RIMS2: variants seen among roughly 807,000 people sequenced by gnomAD.
RIMS2 encodes the protein regulating synaptic membrane exocytosis protein 2.
RIMS2 carries 59 observed loss-of-function variants against 174.4 expected under a neutral mutation model. The ratio of observed to expected loss-of-function variants is 0.34; its 90% CI spans 0.27 to 0.42. RIMS2 has a LOEUF of 0.42. RIMS2 is among the 10% of genes least tolerant of loss of function. The pLI is 1.00. For synonymous variants in RIMS2, 606 were observed against 572.5 expected, an observed-to-expected ratio of 1.06 and a Z score of -0.84; for missense variants, 1,620 against 1,666.3, an observed-to-expected ratio of 0.97 and a Z score of 0.48.
At chr8:104,066,739 TCA>T (rs2097112275) in intron 19 of RIMS2, among the ~76,000 whole-genome samples, 1 of 152,196 alleles carries the variant, frequency 6.6e-6, no homozygotes, top group Admixed American at 6.5e-5. Flanking sequence ...CAAATTTGAC[TCA>T]GAGTCAGTTA....
At chr8:103,908,821 T>G (rs1372377768) in intron 4 of RIMS2, among the ~76,000 whole-genome samples, 1 of 152,230 alleles carries the variant, frequency 6.6e-6, no homozygotes, top group Non-Finnish European at 1.5e-5. Flanking sequence ...ATATTCATCC[T>G]TTTTAAAATG....
intron 1 of RIMS2, among the ~76,000 whole-genome samples, chr8:103,560,129 A>G (rs887075607): frequency 1.3e-5 from 2 of 152,258 alleles, no homozygotes; most frequent in South Asian, 2.1e-4. Context: ...GTTCAGAACA[A>G]TAAGTCAGTG....
At chr8:103,680,835 A>G (rs898075222) in intron 1 of RIMS2, among the ~76,000 whole-genome samples, 1 of 152,014 alleles carries the variant, frequency 6.6e-6, no homozygotes, top group Non-Finnish European at 1.5e-5. Flanking sequence ...TAATAATCAC[A>G]CATTGGCAAG....
At chr8:103,744,530 A>T (rs574624017) in intron 2 of RIMS2, among the ~76,000 whole-genome samples, 1 of 152,290 alleles carries the variant, frequency 6.6e-6, no homozygotes, top group Non-Finnish European at 1.5e-5. Context: ...TGGTTCCTGA[A>T]AAGCTTAGTA....
intron 1 of RIMS2, among the ~76,000 whole-genome samples, chr8:103,547,431 A>G (rs1224517535): frequency 2.0e-5 from 3 of 152,370 alleles, no homozygotes; most frequent in South Asian, 4.1e-4. Context: ...AATGAAATTA[A>G]GGCAGAAATA....
intron 19 of RIMS2, among the ~76,000 whole-genome samples, chr8:104,126,899 G>A (rs2098436474): frequency 6.6e-6 from 1 of 152,114 alleles, no homozygotes; most frequent in Admixed American, 6.6e-5. Flanking sequence ...AAATACACTT[G>A]CCTCAAGAGC....
chr8:103,599,469 C>T (rs1385482087), intron 1 of RIMS2, among the ~76,000 whole-genome samples: 1 of 150,296 alleles, frequency 6.7e-6, no homozygotes, highest in Admixed American at 6.7e-5. Context: ...GACAAGATCT[C>T]ACTCTGTTGC....
chr8:103,516,074 T>C (rs1399398859), intron 1 of RIMS2, among the ~76,000 whole-genome samples: 1 of 152,096 alleles, frequency 6.6e-6, no homozygotes, highest in African/African-American at 2.4e-5. Flanking sequence ...ATTTCAAATA[T>C]AGTGTTGGCA....
intron 3 of RIMS2, among the ~76,000 whole-genome samples, chr8:103,827,494 C>G (rs2098798602): frequency 6.6e-6 from 1 of 152,036 alleles, no homozygotes; most frequent in African/African-American, 2.4e-5. Context: ...AACAGTATGT[C>G]AAACAGAAGT....
intron 2 of RIMS2, among the ~76,000 whole-genome samples, chr8:103,753,347 T>C (rs1490954418): frequency 1.3e-5 from 2 of 152,236 alleles, no homozygotes; most frequent in African/African-American, 4.8e-5. Flanking sequence ...CAGTGTTTTA[T>C]TGAGGATTTT....
chr8:104,088,737 G>T (rs537362517), intron 19 of RIMS2, among the ~76,000 whole-genome samples: 6 of 152,006 alleles, frequency 3.9e-5, no homozygotes, highest in African/African-American at 1.2e-4. Context: ...AATCAGAGTT[G>T]GAAATGGCCA....
intron 1 of RIMS2, among the ~76,000 whole-genome samples, chr8:103,575,749 T>C (rs2093182760): frequency 6.6e-6 from 1 of 150,858 alleles, no homozygotes; most frequent in Admixed American, 6.6e-5. Flanking sequence ...AATTCAAATA[T>C]GAGGAAGAGA....
intron 19 of RIMS2, 139 bp from the exon 26 acceptor site, chr8:104,244,776 AC>A: frequency 1.5e-6 from 1 of 658,522 alleles, no homozygotes; most frequent in Non-Finnish European, 2.7e-6. Context: ...TGTTTTAAAT[AC>A]CTTTTCTTTC....
At chr8:103,813,778 A>G (rs995792248) in intron 3 of RIMS2, among the ~76,000 whole-genome samples, 1 of 152,146 alleles carries the variant, frequency 6.6e-6, no homozygotes, top group East Asian at 1.9e-4. Context: ...TATATGTGCC[A>G]TATTTTCTTA....
At chr8:103,604,883 C>T (rs2094969352) in intron 1 of RIMS2, among the ~76,000 whole-genome samples, 1 of 73,292 alleles carries the variant, frequency 1.4e-5, no homozygotes, top group Non-Finnish European at 2.5e-5. Flanking sequence ...TGCTTATCAG[C>T]TTAAGGAGAT....
At chr8:103,652,955 A>G (rs894601413) in intron 1 of RIMS2, among the ~76,000 whole-genome samples, 5 of 152,146 alleles carry the variant, frequency 3.3e-5, no homozygotes, top group Non-Finnish European at 7.4e-5. Context: ...TGTAAGCCAT[A>G]CTTATTCAGT....
At chr8:103,553,013 T>C (rs1007096451) in intron 1 of RIMS2, among the ~76,000 whole-genome samples, 7 of 152,152 alleles carry the variant, frequency 4.6e-5, no homozygotes, top group Admixed American at 3.9e-4. Context: ...GTAAACTAGT[T>C]CAACCATTGT....
At chr8:103,701,829 A>G (rs538095942) in intron 2 of RIMS2, among the ~76,000 whole-genome samples, 2 of 152,230 alleles carry the variant, frequency 1.3e-5, no homozygotes, top group African/African-American at 4.8e-5. Context: ...GAATCCTTTC[A>G]TCTGTTGATG....
At chr8:103,786,442 A>G (rs2154436965) in intron 3 of RIMS2, among the ~76,000 whole-genome samples, 1 of 151,444 alleles carries the variant, frequency 6.6e-6, no homozygotes, top group South Asian at 2.1e-4. Flanking sequence ...ACTGCTTTGA[A>G]TGCGTCCCAG....
Sources: gnomAD v4.1 joint callset for allele counts (sites outside exome capture counted in the v4.1 genomes callset) on GRCh38, gnomAD v4.1.1 for gene constraint, MANE v1.5 for transcripts, NCBI Gene and HGNC (gene_info 2026-07-23, HGNC 2026-07-21) for gene names.